The following CNTN4 variants were observed in gnomAD, a reference collection of about 807,000 sequenced individuals.
CNTN4 encodes the protein contactin-4.
A neutral mutation model predicts 122.5 loss-of-function variants in CNTN4; 77 were observed. The ratio of observed to expected loss-of-function variants is 0.63; its 90% CI spans 0.52 to 0.76. The LOEUF (loss-of-function observed/expected upper bound fraction) is 0.76, where lower values mean the gene tolerates loss of function less well. Ranked by LOEUF, CNTN4 falls within the 30% of genes least tolerant of loss-of-function variation. The pLI is 0.00. For synonymous variants in CNTN4, 512 were observed against 447.0 expected (o/e 1.15, Z -1.83); for missense variants, 1,256 against 1,259.1 (o/e 1.00, Z 0.04).
intron 4 of CNTN4, among the ~76,000 whole-genome samples, chr3:2,573,898 C>G (rs946366722): frequency 6.6e-6 from 1 of 152,150 alleles, no homozygotes; most frequent in African/African-American, 2.4e-5. Context: ...TTACATAGCA[C>G]TCCACTCGCT....
chr3:2,670,280 A>T (rs2084426457), intron 4 of CNTN4, among the ~76,000 whole-genome samples: 1 of 152,126 alleles, frequency 6.6e-6, no homozygotes, highest in Non-Finnish European at 1.5e-5. Flanking sequence ...GTGCTCCTGT[A>T]TTGGGTACAT....
At position 3,056,219 on chromosome 3, in the gene CNTN4, G is replaced by T; in HGVS notation, c.3080G>T (p.Ter1027LeuextTer16). The T allele has an allele frequency of 6.2e-7, 1 of 1,611,380 alleles. No homozygotes were observed. Among genetic ancestry groups the T allele is most frequent in the Admixed American group, 1.7e-5 (1 of 60,020 alleles). ...TCCCTCACAGCTAGGTCCAGTTTATGACAAAAGTTATCTGAAGGACTTGCT... is the reference window on the plus strand; with the variant it reads ...TCCCTCACAGCTAGGTCCAGTTTATTACAAAAGTTATCTGAAGGACTTGCT... The part of the protein sequence containing the change: ...MISLTARSSL[*>L] Residue 1027 changes from the stop codon to leucine, a stop_lost, in exon 25 of 25, where the codon TGA becomes TTA. Transcript: ENST00000418658.
At chr3:2,121,239 C>T (rs1385292942) in intron 2 of CNTN4, among the ~76,000 whole-genome samples, 5 of 152,034 alleles carry the variant, frequency 3.3e-5, no homozygotes, top group African/African-American at 4.8e-5. Context: ...AATTATATGC[C>T]GTGTAATCCC....
intron 3 of CNTN4, among the ~76,000 whole-genome samples, chr3:2,505,535 C>T (rs538582082): frequency 7.9e-5 from 12 of 152,230 alleles, no homozygotes; most frequent in African/African-American, 2.6e-4. Flanking sequence ...TATTTTTATA[C>T]CAGCCTGTTG....
chr3:2,893,879 G>A (rs2094075512), intron 10 of CNTN4, among the ~76,000 whole-genome samples: 1 of 151,986 alleles, frequency 6.6e-6, no homozygotes, highest in Admixed American at 6.6e-5. Flanking sequence ...GTTGGTTTAA[G>A]GACTCCTTTT....
intron 2 of CNTN4, among the ~76,000 whole-genome samples, chr3:2,289,071 C>G (rs1261275604): frequency 1.3e-5 from 2 of 152,062 alleles, no homozygotes; most frequent in Non-Finnish European, 2.9e-5. Context: ...GAAGTGCTTG[C>G]TTAGTATAGA....
chr3:2,988,399 C>A lies in CNTN4; in HGVS notation c.1413C>A (p.Asp471Glu). The A allele has an allele frequency of 6.2e-7, 1 of 1,613,684 alleles. No individual in the cohort carries two copies. Among genetic ancestry groups the A allele is most frequent in the East Asian group, 2.2e-5 (1 of 44,824 alleles). Residue 471 changes from aspartate (D) to glutamate (E), a missense_variant, in exon 14 of 25, where the codon GAC becomes GAA. By Grantham distance (45) the Asp-to-Glu change is conservative (BLOSUM62 2). Transcript: ENST00000418658. ...NLRIINVTKS[D>E]AGSYTCIATN... is the part of the protein sequence containing the mutation. ...GAATCATCAACGTTACTAAATCAGACGCTGGGAGTTATACCTGTATAGCCA... is the reference window on the plus strand; with the variant it reads ...GAATCATCAACGTTACTAAATCAGAAGCTGGGAGTTATACCTGTATAGCCA...
intron 4 of CNTN4, among the ~76,000 whole-genome samples, chr3:2,659,291 G>A (rs1180938773): frequency 5.3e-5 from 8 of 151,522 alleles, no homozygotes; most frequent in African/African-American, 1.2e-4. Context: ...GTAAAACCCC[G>A]TCTCTACTAA....
chr3:2,850,196 G>T (rs1192666783), intron 7 of CNTN4, among the ~76,000 whole-genome samples: 1 of 151,914 alleles, frequency 6.6e-6, no homozygotes. Flanking sequence ...CACCATGTTG[G>T]CCAGGCTGGT....
intron 2 of CNTN4, among the ~76,000 whole-genome samples, chr3:2,109,073 T>C (rs1052050557): frequency 6.6e-6 from 1 of 152,234 alleles, no homozygotes; most frequent in Middle Eastern, 3.2e-3. Context: ...CTTTGAAACT[T>C]GAAAAAGCTG....
chr3:2,526,181 G>A lies in CNTN4; in HGVS notation c.-88-45235G>A, dbSNP rs980984638. ...GACTCAGCTCCCAGGCCCTTCATGC[G>A]CCCCACAATCTTTTTTCTCTCCACC... is the stretch of plus-strand genomic sequence containing the variant. On this transcript the variant is annotated intron_variant, in intron 3 of 24. Transcript: ENST00000418658. 1.4e-4 allele frequency among the ~76,000 whole-genome samples: 21 copies of A among 151,912 alleles called. 1 individual carries two copies. The highest frequency in any genetic ancestry group is 6.2e-4 in the South Asian group (3 of 4,806).
At chr3:2,289,722 A>G (rs1476668527) in intron 2 of CNTN4, among the ~76,000 whole-genome samples, 7 of 152,196 alleles carry the variant, frequency 4.6e-5, no homozygotes, top group South Asian at 2.1e-4. Flanking sequence ...GATAATGAAG[A>G]ATGAACTATA....
chr3:2,161,230 G>A (rs2035955091), intron 2 of CNTN4, among the ~76,000 whole-genome samples: 1 of 152,136 alleles, frequency 6.6e-6, no homozygotes, highest in South Asian at 2.1e-4. Context: ...GAGGATAAGG[G>A]TGGAAAGGAA....
chr3:2,743,326 G>C (rs1367498532), intron 5 of CNTN4, among the ~76,000 whole-genome samples: 1 of 152,118 alleles, frequency 6.6e-6, no homozygotes, highest in Non-Finnish European at 1.5e-5. Context: ...ACATAGAGCT[G>C]CTAGAATATA....
Position 3,042,395 on chromosome 3 carries a change from G to C in CNTN4, c.2484G>C (p.Lys828Asn), listed in dbSNP as rs896086321. 6.2e-7 allele frequency: 1 copy of C among 1,613,218 alleles called. No homozygotes were observed. Among genetic ancestry groups the C allele is most frequent in the African/African-American group, 1.3e-5 (1 of 74,922 alleles). The change falls in exon 21 of 25, where the codon AAG (lysine) becomes AAC (asparagine). Residue 828 changes from lysine to asparagine, a missense_variant. Lys to Asn is a moderately conservative substitution (Grantham distance 94). Coordinates refer to ENST00000418658, the MANE Select transcript of CNTN4 (RefSeq NM_175607.3). ...TTTTCTGGGCCTCCCCACTGGAGAA[G>C]AATAGAGGACGAATACAAGGTTATG... ...IEVFWASPLE[K>N]NRGRIQGYEV...
chr3:2,676,133 C>G (rs1430373583), intron 4 of CNTN4, among the ~76,000 whole-genome samples: 1 of 152,184 alleles, frequency 6.6e-6, no homozygotes, highest in African/African-American at 2.4e-5. Flanking sequence ...ATCCCTCCCT[C>G]CTACATGATG....
chr3:2,772,635 A>G (rs1469043244), intron 6 of CNTN4, among the ~76,000 whole-genome samples: 1 of 152,204 alleles, frequency 6.6e-6, no homozygotes, highest in African/African-American at 2.4e-5. Context: ...TGCCAGGACA[A>G]TAAATGTAAA....
chr3:2,900,760 C>A lies in CNTN4; in HGVS notation c.1016C>A (p.Ala339Glu), dbSNP rs1342959136. The part of the protein sequence containing the change: ...MEENVFWECK[A>E]NGRPKPTYKW... The stretch of plus-strand genomic sequence containing the variant: ...GAAAATGTCTTTTGGGAATGTAAAG[C>A]AAATGGAAGGCCTAAGCCTACATAC... The change falls in exon 11 of 25, where the codon GCA (alanine) becomes GAA (glutamate). Residue 339 changes from alanine (A) to glutamate (E), a missense_variant. Ala to Glu is a moderately radical substitution (Grantham distance 107, BLOSUM62 -1). Transcript: ENST00000418658. 2 of 1,613,770 alleles carry A rather than the reference C, an allele frequency of 1.2e-6. No individual in the cohort carries two copies. The highest frequency in any genetic ancestry group is 1.7e-6 in the Non-Finnish European group (2 of 1,179,806).
At chr3:2,593,160 G>A (rs901970957) in intron 4 of CNTN4, among the ~76,000 whole-genome samples, 1 of 152,164 alleles carries the variant, frequency 6.6e-6, no homozygotes, top group African/African-American at 2.4e-5. Context: ...TTTTCTGAAT[G>A]TATGGAAACA....
Sources: allele counts gnomAD v4.1 joint callset (sites outside exome capture counted in the v4.1 genomes callset), GRCh38; gene constraint gnomAD v4.1.1; transcripts MANE v1.5; gene names NCBI Gene and HGNC (gene_info 2026-07-23, HGNC 2026-07-21).